Variants in AP3S1 observed in about 807,000 individuals in gnomAD.
AP3S1 encodes AP-3 complex subunit sigma-1.
A neutral mutation model predicts 21.3 loss-of-function variants in AP3S1; 12 were observed. The ratio of observed to expected loss-of-function variants is 0.56; its 90% CI spans 0.36 to 0.91. The LOEUF (loss-of-function observed/expected upper bound fraction) is 0.91, where lower values mean the gene tolerates loss of function less well. Ranked by LOEUF, AP3S1 falls within the 40% of genes least tolerant of loss-of-function variation. The probability of loss-of-function intolerance (pLI) is 0.01; values close to 1 mark genes in which losing one functional copy is unlikely to be tolerated. For synonymous variants in AP3S1, 48 were observed against 78.4 expected, an observed-to-expected ratio of 0.61 and a Z score of 2.05; for missense variants, 116 against 225.0, an observed-to-expected ratio of 0.52 and a Z score of 3.10.
intron 3 of AP3S1, among the ~76,000 whole-genome samples, chr5:115,872,367 TAAATCTG>T (rs1288327667): frequency 1.6e-4 from 25 of 152,300 alleles, no homozygotes; most frequent in Non-Finnish European, 3.4e-4. Context: ...ATATTACTCT[TAAATCTG>T]TAATTCTTAA....
At chr5:115,859,613 A>G (rs962510363) in intron 1 of AP3S1, among the ~76,000 whole-genome samples, 2 of 152,252 alleles carry the variant, frequency 1.3e-5, no homozygotes, top group Non-Finnish European at 2.9e-5. Context: ...ACTACTAGCC[A>G]CATTCCACTG....
chr5:115,865,070 A>G (rs1763508103), intron 1 of AP3S1, among the ~76,000 whole-genome samples: 1 of 151,912 alleles, frequency 6.6e-6, no homozygotes, highest in African/African-American at 2.4e-5. Context: ...CCATAAAGTT[A>G]TATCAAGTAT....
At chr5:115,875,743 T>C (rs1160757693) in intron 3 of AP3S1, among the ~76,000 whole-genome samples, 2 of 152,184 alleles carry the variant, frequency 1.3e-5, no homozygotes, top group African/African-American at 4.8e-5. Context: ...TTATACTGTA[T>C]TACCAGGTTA....
intron 5 of AP3S1, among the ~76,000 whole-genome samples, chr5:115,911,539 A>T (rs1036002072): frequency 1.3e-5 from 2 of 152,074 alleles, no homozygotes; most frequent in Admixed American, 6.6e-5. Context: ...CTATCTAAAA[A>T]ATGATACTAC....
chr5:115,875,931 C>T (rs750440266), intron 3 of AP3S1, among the ~76,000 whole-genome samples: 16 of 152,080 alleles, frequency 1.1e-4, no homozygotes, highest in Non-Finnish European at 1.8e-4. Context: ...TATAATAATT[C>T]TCAGTTATTT....
chr5:115,870,143 G>T lies in AP3S1; in HGVS notation c.273+15G>T. 4 of 882,918 alleles carry T rather than the reference G, an allele frequency of 4.5e-6. No individual in the cohort carries two copies. The highest frequency in any genetic ancestry group is 3.5e-6 in the Non-Finnish European group (2 of 566,932). The allele number at this position is 882,918 out of a possible 1,614,324, so 54.7% of individuals were successfully genotyped here. On this transcript the variant is annotated intron_variant, in intron 3 of 5. Coordinates refer to ENST00000316788, the MANE Select transcript of AP3S1 (RefSeq NM_001284.4). ...ATCTAATTCAAGTAAGTTAACACTT[G>T]CTTCTTACTATCTTAAATAACAGTT...
chr5:115,882,512 G>A (rs2112875875), intron 3 of AP3S1, among the ~76,000 whole-genome samples: 1 of 152,288 alleles, frequency 6.6e-6, no homozygotes. Context: ...CCGTTTGCCT[G>A]GGTATCACCA....
chr5:115,857,286 T>C (rs919416724), intron 1 of AP3S1, among the ~76,000 whole-genome samples: 1 of 152,234 alleles, frequency 6.6e-6, no homozygotes, highest in Non-Finnish European at 1.5e-5. Flanking sequence ...TAATGCATGC[T>C]TATTATATGC....
intron 1 of AP3S1, chr5:115,853,088 C>T (rs1292245365): frequency 2.3e-6 from 1 of 437,002 alleles, no homozygotes; most frequent in Admixed American, 2.5e-5. Flanking sequence ...TACATTCCCA[C>T]CAACAATGTC....
At chr5:115,854,930 A>G (rs1403190165) in intron 1 of AP3S1, among the ~76,000 whole-genome samples, 1 of 152,056 alleles carries the variant, frequency 6.6e-6, no homozygotes, top group Non-Finnish European at 1.5e-5. Context: ...TACTACTCTT[A>G]TGTCAGAAAT....
chr5:115,857,625 T>G (rs1042960319), intron 1 of AP3S1, among the ~76,000 whole-genome samples: 5 of 152,208 alleles, frequency 3.3e-5, no homozygotes, highest in Admixed American at 6.5e-5. Flanking sequence ...TTTCTCCCTT[T>G]CCACAAGTAA....
chr5:115,910,634 T>G (rs1379699330), intron 5 of AP3S1, among the ~76,000 whole-genome samples: 3 of 152,218 alleles, frequency 2.0e-5, no homozygotes, highest in Non-Finnish European at 4.4e-5. Context: ...ATCACTTTCA[T>G]GAATGTCTGA....
intron 5 of AP3S1, among the ~76,000 whole-genome samples, chr5:115,910,403 G>GA (rs1365337901): frequency 1.3e-5 from 2 of 152,060 alleles, no homozygotes; most frequent in African/African-American, 2.4e-5. Context: ...GGTAAGGGGG[G>GA]ACTACTGTAC....
At chr5:115,852,476 C>T (rs1162701608) in intron 1 of AP3S1, among the ~76,000 whole-genome samples, 1 of 152,140 alleles carries the variant, frequency 6.6e-6, no homozygotes. Context: ...ATAGCTCTCA[C>T]ATGCTATAAG....
chr5:115,870,014 T>C lies in AP3S1; in HGVS notation c.162-3T>C. 1.2e-6 allele frequency: 1 copy of C among 820,838 alleles called. No homozygotes were observed. Among genetic ancestry groups the C allele is most frequent in the Non-Finnish European group, 1.9e-6 (1 of 536,106 alleles). The allele number at this position is 820,838 out of a possible 1,614,324, so 50.8% of individuals were successfully genotyped here. A position where few individuals can be genotyped will look rare whatever the true frequency, so the allele number is the denominator to read the frequency against. On this transcript the variant is annotated splice_polypyrimidine_tract_variant and splice_region_variant and intron_variant, in intron 2 of 5. Coordinates refer to ENST00000316788, the MANE Select transcript of AP3S1 (RefSeq NM_001284.4). Reference sequence around the variant, plus strand: ...ATAACATTACAATTTTTTTGTCATTTAGATTAATTGGAGGATCTGACAACA... The same window carrying C: ...ATAACATTACAATTTTTTTGTCATTCAGATTAATTGGAGGATCTGACAACA...
At chr5:115,873,075 A>G (rs1198965077) in intron 3 of AP3S1, among the ~76,000 whole-genome samples, 1 of 152,168 alleles carries the variant, frequency 6.6e-6, no homozygotes, top group Non-Finnish European at 1.5e-5. Context: ...GAAAGACCAA[A>G]ACAAATGTGT....
chr5:115,893,387 G>A (rs373101212), intron 3 of AP3S1, among the ~76,000 whole-genome samples: 6 of 152,104 alleles, frequency 3.9e-5, no homozygotes, highest in Non-Finnish European at 2.9e-5. Context: ...TCATGAAGTC[G>A]TACCCCAGCA....
chr5:115,868,863 C>G (rs943558369), intron 2 of AP3S1, among the ~76,000 whole-genome samples: 4 of 147,118 alleles, frequency 2.7e-5, no homozygotes, highest in African/African-American at 1.0e-4. Flanking sequence ...GCCTGGGTGA[C>G]AGAGTGAAAC....
At chr5:115,847,268 A>T (rs80243444) in intron 1 of AP3S1, among the ~76,000 whole-genome samples, 1,711 of 152,306 alleles carry the variant, frequency 0.011, 21 homozygotes, top group Middle Eastern at 0.068. Flanking sequence ...AAAGGAGTGG[A>T]TGGTGGGTAG....
Sources: allele counts gnomAD v4.1 joint callset (sites outside exome capture counted in the v4.1 genomes callset), GRCh38; gene constraint gnomAD v4.1.1; transcripts MANE v1.5; gene names NCBI Gene and HGNC (gene_info 2026-07-23, HGNC 2026-07-21).